RBPMS2: variants seen among roughly 807,000 people sequenced by gnomAD.
RBPMS2 encodes the protein RNA binding protein, mRNA processing factor 2.
RBPMS2 carries 14 observed loss-of-function variants against 25.7 expected under a neutral mutation model. The observed-to-expected ratio is 0.55, with a 90% CI of 0.36 to 0.85. RBPMS2 has a LOEUF of 0.85. Among genes scored for constraint, RBPMS2 ranks in the 40% least tolerant of loss-of-function variants. The pLI is 0.01. For missense variants in RBPMS2, 252 were observed against 283.4 expected (o/e 0.89, Z 0.80); for synonymous variants, 127 against 115.6 (o/e 1.10, Z -0.63).
intron 6 of RBPMS2, among the ~76,000 whole-genome samples, chr15:64,745,156 T>C (rs2083606919): frequency 6.6e-6 from 1 of 152,196 alleles, no homozygotes; most frequent in Non-Finnish European, 1.5e-5. Context: ...TATTGCAGTT[T>C]TTCTAAGATT....
intron 1 of RBPMS2, among the ~76,000 whole-genome samples, chr15:64,762,072 G>C (rs1224976671): frequency 1.3e-5 from 2 of 151,986 alleles, no homozygotes; most frequent in African/African-American, 4.8e-5. Flanking sequence ...AGCTCATCTC[G>C]AATTCCTGGA....
intron 6 of RBPMS2, among the ~76,000 whole-genome samples, chr15:64,747,548 C>A (rs2083629391): frequency 6.6e-6 from 1 of 152,154 alleles, no homozygotes; most frequent in Non-Finnish European, 1.5e-5. Flanking sequence ...CAAAAGTGCC[C>A]CCCAGCCCCT....
intron 1 of RBPMS2, among the ~76,000 whole-genome samples, chr15:64,765,164 T>C (rs1462249567): frequency 7.6e-5 from 10 of 131,770 alleles, no homozygotes; most frequent in African/African-American, 2.9e-4. Flanking sequence ...GAGGCGGAAG[T>C]TGCAGTGAGC....
intron 1 of RBPMS2, chr15:64,762,444 T>C: frequency 1.9e-6 from 1 of 534,684 alleles, no homozygotes; most frequent in South Asian, 1.4e-5. Context: ...GTTTACGGCT[T>C]TCCTGTTATA....
At chr15:64,762,472 T>A in intron 1 of RBPMS2, 1 of 534,766 alleles carries the variant, frequency 1.9e-6, no homozygotes, top group Non-Finnish European at 3.8e-6. Flanking sequence ...TGAGCACGTT[T>A]TCAGAATTTG....
intron 6 of RBPMS2, among the ~76,000 whole-genome samples, chr15:64,744,498 A>C (rs7497899): frequency 0.81 from 121,270 of 150,088 alleles, 52,520 homozygotes; most frequent in East Asian, 0.96. Flanking sequence ...GCGGAGGTTG[A>C]GGTGAGCTAA....
In RBPMS2 at chr15:64,775,351, C is replaced by T; in HGVS notation, c.-32G>A. 1 of 1,202,464 alleles carries T rather than the reference C, an allele frequency of 8.3e-7. No homozygotes were observed. Among genetic ancestry groups the T allele is most frequent in the Non-Finnish European group, 1.0e-6 (1 of 956,980 alleles). The allele number at this position is 1,202,464 out of a possible 1,614,324, so 74.5% of individuals were successfully genotyped here. Reference sequence around the variant, plus strand: ...GGGGAGGGGGCGGCGGGAAGGAACGCGAGGGCGAGCGCGGCGCCGGCCCCG... The same window carrying T: ...GGGGAGGGGGCGGCGGGAAGGAACGTGAGGGCGAGCGCGGCGCCGGCCCCG... On this transcript the variant is annotated 5_prime_UTR_variant, in exon 1 of 8. Transcript: ENST00000300069.
intron 1 of RBPMS2, among the ~76,000 whole-genome samples, chr15:64,768,488 C>G (rs1030379532): frequency 3.9e-5 from 6 of 151,944 alleles, no homozygotes; most frequent in African/African-American, 1.4e-4. Context: ...AAATACAAAA[C>G]TTAGCCAGGT....
chr15:64,746,015 T>C (rs976372605), intron 6 of RBPMS2, among the ~76,000 whole-genome samples: 1 of 152,152 alleles, frequency 6.6e-6, no homozygotes, highest in African/African-American at 2.4e-5. Context: ...AGATCAACAG[T>C]GTCCATACTT....
intron 1 of RBPMS2, among the ~76,000 whole-genome samples, chr15:64,772,623 C>A (rs926035294): frequency 6.6e-6 from 1 of 152,152 alleles, no homozygotes; most frequent in East Asian, 1.9e-4. Context: ...CACAAACCTA[C>A]CTCCTCACTT....
intron 2 of RBPMS2, 103 bp from the exon 3 acceptor site, chr15:64,750,484 A>C: frequency 4.1e-6 from 4 of 987,424 alleles, no homozygotes; most frequent in Non-Finnish European, 6.5e-6. Flanking sequence ...AGTCATTCTC[A>C]CACCCTTCTC....
chr15:64,744,649 AG>A (rs2083597445), intron 6 of RBPMS2, among the ~76,000 whole-genome samples: 1 of 151,772 alleles, frequency 6.6e-6, no homozygotes, highest in Non-Finnish European at 1.5e-5. Flanking sequence ...GCTATCAGTA[AG>A]CAAAACTGTA....
At chr15:64,762,146 A>C (rs1428217683) in intron 1 of RBPMS2, among the ~76,000 whole-genome samples, 1 of 152,200 alleles carries the variant, frequency 6.6e-6, no homozygotes, top group East Asian at 1.9e-4. Flanking sequence ...GCTCATGAAC[A>C]AAGAGGACAG....
chr15:64,764,236 G>C (rs1438538989), intron 1 of RBPMS2, among the ~76,000 whole-genome samples: 1 of 152,180 alleles, frequency 6.6e-6, no homozygotes, highest in African/African-American at 2.4e-5. Flanking sequence ...CTGCCTGCCT[G>C]TGTGCCTGGC....
In RBPMS2 at chr15:64,775,288, C is replaced by T. The variant is rs1459582251; in HGVS notation, c.32G>A (p.Gly11Asp). 2.2e-6 allele frequency: 3 copies of T among 1,354,152 alleles called. No homozygotes were observed. The highest frequency in any genetic ancestry group is 5.7e-5 in the Admixed American group (2 of 35,200). 83.9% of individuals were successfully genotyped at this position (1,354,152 alleles called of 1,614,324 possible). ...GCCGGAGCCGGTGCCGGTGCTGCCG[C>T]CGTGCTCGCCGTCCGGCTTCAGGTT... is the stretch of plus-strand genomic sequence containing the variant. MSNLKPDGEH[G>D]GSTGTGSGAG... is the part of the protein sequence containing the mutation. The change falls in exon 1 of 8, where the codon GGC becomes GAC. Residue 11 changes from glycine (G) to aspartate (D), a missense_variant. Gly to Asp is a moderately conservative substitution (Grantham distance 94). Transcript: ENST00000300069.
chr15:64,754,979 G>A (rs1454144056), intron 1 of RBPMS2, among the ~76,000 whole-genome samples: 1 of 152,152 alleles, frequency 6.6e-6, no homozygotes, highest in African/African-American at 2.4e-5. Context: ...CCAGACCAGA[G>A]CAGACCCACG....
chr15:64,769,159 A>G (rs1370906151), intron 1 of RBPMS2, among the ~76,000 whole-genome samples: 1 of 150,322 alleles, frequency 6.7e-6, no homozygotes, highest in East Asian at 1.9e-4. Flanking sequence ...GTAAGGATAT[A>G]GATTTTTTAA....
chr15:64,769,976 C>T (rs1338208444), intron 1 of RBPMS2, among the ~76,000 whole-genome samples: 1 of 152,002 alleles, frequency 6.6e-6, no homozygotes, highest in African/African-American at 2.4e-5. Flanking sequence ...GTCAAGAGTT[C>T]GAGACCAGCC....
chr15:64,764,427 C>T (rs1320424739), intron 1 of RBPMS2, among the ~76,000 whole-genome samples: 7 of 152,180 alleles, frequency 4.6e-5, no homozygotes, highest in African/African-American at 1.2e-4. Context: ...ACACCTAGCC[C>T]ATTACTTGAC....
Sources: gnomAD v4.1 joint callset for allele counts (sites outside exome capture counted in the v4.1 genomes callset) on GRCh38, gnomAD v4.1.1 for gene constraint, MANE v1.5 for transcripts, NCBI Gene and HGNC (gene_info 2026-07-23, HGNC 2026-07-21) for gene names.